Variants in PLPP4 observed in about 807,000 individuals in gnomAD.
PLPP4 encodes diacylglycerol pyrophosphate like 2.
PLPP4 carries 20 observed loss-of-function variants against 32.2 expected under a neutral mutation model. That is an observed-to-expected ratio of 0.62 (90% CI 0.44 to 0.90). The LOEUF is 0.90. PLPP4 is among the 40% of genes least tolerant of loss of function. The probability of loss-of-function intolerance (pLI) is 0.00; values close to 1 mark genes in which losing one functional copy is unlikely to be tolerated. For synonymous variants in PLPP4, 127 were observed against 133.0 expected (o/e 0.95, Z 0.31); for missense variants, 257 against 353.1 (o/e 0.73, Z 2.18).
chr10:120,542,806 G>A (rs1012532568), intron 5 of PLPP4, among the ~76,000 whole-genome samples: 1 of 152,170 alleles, frequency 6.6e-6, no homozygotes, highest in African/African-American at 2.4e-5. Context: ...TTCATTGTGG[G>A]CATTTGGATC....
intron 5 of PLPP4, among the ~76,000 whole-genome samples, chr10:120,532,431 T>C (rs549940360): frequency 1.4e-4 from 22 of 152,324 alleles, no homozygotes; most frequent in African/African-American, 5.3e-4. Flanking sequence ...TCAGACAAGA[T>C]CTTTATTTAA....
chr10:120,535,174 G>A (rs1846958209), intron 5 of PLPP4, among the ~76,000 whole-genome samples: 1 of 152,172 alleles, frequency 6.6e-6, no homozygotes, highest in African/African-American at 2.4e-5. Flanking sequence ...GAGACCTGTG[G>A]TGGTGGTATT....
At chr10:120,494,534 G>T (rs747247278) in intron 1 of PLPP4, among the ~76,000 whole-genome samples, 1 of 152,224 alleles carries the variant, frequency 6.6e-6, no homozygotes, top group African/African-American at 2.4e-5. Context: ...CTAAGCCTCA[G>T]TCTTTGCATC....
At chr10:120,541,763 G>A (rs1040831085) in intron 5 of PLPP4, among the ~76,000 whole-genome samples, 3 of 138,424 alleles carry the variant, frequency 2.2e-5, no homozygotes, top group Non-Finnish European at 4.6e-5. Context: ...GAAGCATGAA[G>A]TGCCATTTAA....
chr10:120,464,044 A>T (rs1322165627), intron 1 of PLPP4, among the ~76,000 whole-genome samples: 1 of 152,136 alleles, frequency 6.6e-6, no homozygotes, highest in East Asian at 1.9e-4. Context: ...GGCTCACAAG[A>T]TCCTCCCACT....
At chr10:120,571,436 C>A (rs117412342) in intron 5 of PLPP4, among the ~76,000 whole-genome samples, 1 of 152,038 alleles carries the variant, frequency 6.6e-6, no homozygotes, top group Admixed American at 6.6e-5. Context: ...GAATGCAGGT[C>A]ATTTAACTTG....
In PLPP4 at chr10:120,590,621, T is replaced by C. The variant is rs905837563; in HGVS notation, c.*1119T>C. On this transcript the variant is annotated 3_prime_UTR_variant, in exon 7 of 7. Transcript: ENST00000398250. ...ATATGAACCTTTTTCAGTCTGAGTATAGAGCACGCTGCTCCTTGGCCAGCT... is the reference window on the plus strand; with the variant it reads ...ATATGAACCTTTTTCAGTCTGAGTACAGAGCACGCTGCTCCTTGGCCAGCT... Among the ~76,000 whole-genome samples the C allele has an allele frequency of 3.9e-5, 6 of 152,158 alleles. No individual in the cohort carries two copies. Among genetic ancestry groups the C allele is most frequent in the African/African-American group, 1.4e-4 (6 of 41,428 alleles).
At chr10:120,586,223 C>T (rs1411641021) in intron 6 of PLPP4, among the ~76,000 whole-genome samples, 3 of 151,284 alleles carry the variant, frequency 2.0e-5, no homozygotes, top group Non-Finnish European at 2.9e-5. Context: ...CAACCTCCAC[C>T]TCCCGGGTTC....
intron 5 of PLPP4, among the ~76,000 whole-genome samples, chr10:120,554,565 G>A (rs1848062007): frequency 6.6e-6 from 1 of 152,100 alleles, no homozygotes; most frequent in South Asian, 2.1e-4. Context: ...TTCTGTCTTA[G>A]TTCATTCTCA....
chr10:120,517,918 T>C (rs1266451508), intron 3 of PLPP4, among the ~76,000 whole-genome samples: 1 of 152,210 alleles, frequency 6.6e-6, no homozygotes, highest in Non-Finnish European at 1.5e-5. Flanking sequence ...TGTTGAACAG[T>C]TAATATTTGC....
chr10:120,490,134 C>T (rs78176536), intron 1 of PLPP4, among the ~76,000 whole-genome samples: 8,669 of 152,236 alleles, frequency 0.057, 324 homozygotes, highest in South Asian at 0.11. Flanking sequence ...GCAGCTCAAC[C>T]TCAGTCATAA....
chr10:120,541,986 C>T (rs1346772610), intron 5 of PLPP4, among the ~76,000 whole-genome samples: 1 of 152,086 alleles, frequency 6.6e-6, no homozygotes, highest in African/African-American at 2.4e-5. Flanking sequence ...CCATGTTGGC[C>T]AGGCTGGTCT....
chr10:120,588,131 A>C (rs1011446413), intron 6 of PLPP4, among the ~76,000 whole-genome samples: 1 of 152,266 alleles, frequency 6.6e-6, no homozygotes, highest in Non-Finnish European at 1.5e-5. Flanking sequence ...TGTACGGTTC[A>C]ACAAGAGTTT....
chr10:120,562,696 T>A (rs1238009144), intron 5 of PLPP4, among the ~76,000 whole-genome samples: 1 of 152,260 alleles, frequency 6.6e-6, no homozygotes. Flanking sequence ...TAAAAAATTT[T>A]AAACCTGCTT....
At chr10:120,509,826 C>T (rs1263692623) in intron 2 of PLPP4, among the ~76,000 whole-genome samples, 2 of 152,226 alleles carry the variant, frequency 1.3e-5, no homozygotes, top group African/African-American at 4.8e-5. Flanking sequence ...TATGACTTAT[C>T]TATGACCTGG....
chr10:120,498,267 T>C (rs1327418919), intron 1 of PLPP4, among the ~76,000 whole-genome samples: 1 of 151,290 alleles, frequency 6.6e-6, no homozygotes, highest in African/African-American at 2.4e-5. Context: ...AGTGAAATGA[T>C]GTTGATCATA....
chr10:120,457,988 C>T (rs1847870207), intron 1 of PLPP4, among the ~76,000 whole-genome samples: 1 of 152,236 alleles, frequency 6.6e-6, no homozygotes, highest in Non-Finnish European at 1.5e-5. Context: ...GGCGGAGGCC[C>T]TCCAGGGGTA....
At chr10:120,558,475 C>CTT (rs1848266596) in intron 5 of PLPP4, among the ~76,000 whole-genome samples, 1 of 145,702 alleles carries the variant, frequency 6.9e-6, no homozygotes, top group African/African-American at 2.5e-5. Context: ...GTGGTACAAT[C>CTT]TCAGGTCACT....
intron 5 of PLPP4, among the ~76,000 whole-genome samples, chr10:120,553,440 A>G (rs539423169): frequency 6.6e-6 from 1 of 152,332 alleles, no homozygotes; most frequent in South Asian, 2.1e-4. Context: ...CCTTTGAACC[A>G]GGAAACAGGC....
Sources: gnomAD v4.1 joint callset for allele counts (sites outside exome capture counted in the v4.1 genomes callset) on GRCh38, gnomAD v4.1.1 for gene constraint, MANE v1.5 for transcripts, NCBI Gene and HGNC (gene_info 2026-07-23, HGNC 2026-07-21) for gene names.